EYS: variants seen among roughly 807,000 people sequenced by gnomAD.
EYS encodes the protein EGF-like photoreceptor maintenance factor.
A neutral mutation model predicts 282.1 loss-of-function variants in EYS; 250 were observed. The observed-to-expected ratio is 0.89, with a 90% CI of 0.80 to 0.98. The LOEUF (loss-of-function observed/expected upper bound fraction) is 0.98. Among genes scored for constraint, EYS ranks in the 50% least tolerant of loss-of-function variants. The pLI is 0.00. For synonymous variants in EYS, 1,355 were observed against 1,282.9 expected, an observed-to-expected ratio of 1.06 and a Z score of -1.20; for missense variants, 4,016 against 3,709.0, an observed-to-expected ratio of 1.08 and a Z score of -2.15.
chr6:63,947,540 A>G (rs1765435354), intron 35 of EYS, among the ~76,000 whole-genome samples: 1 of 152,136 alleles, frequency 6.6e-6, no homozygotes, highest in South Asian at 2.1e-4. Context: ...TAATTTACCT[A>G]CTATTAGGAA....
At chr6:64,513,974 A>G (rs1562035383) in intron 26 of EYS, among the ~76,000 whole-genome samples, 1 of 151,960 alleles carries the variant, frequency 6.6e-6, no homozygotes, top group East Asian at 1.9e-4. Context: ...AAAGTGTAGC[A>G]TGAATGGACC....
intron 1 of EYS, among the ~76,000 whole-genome samples, chr6:65,686,782 G>T (rs1582602531): frequency 6.6e-6 from 1 of 152,158 alleles, no homozygotes; most frequent in East Asian, 1.9e-4. Context: ...CAGGACCAAT[G>T]CAAAGGTCAT....
intron 30 of EYS, among the ~76,000 whole-genome samples, chr6:64,244,280 A>G (rs983693145): frequency 2.0e-5 from 3 of 152,150 alleles, no homozygotes; most frequent in Non-Finnish European, 4.4e-5. Flanking sequence ...TCCATTTTAC[A>G]TCTTTTCAAA....
In EYS at chr6:64,590,598, T is replaced by C; in HGVS notation, c.5269A>G (p.Thr1757Ala). The change falls in exon 26 of 43, where the codon ACT becomes GCT. Residue 1757 changes from threonine to alanine, a missense_variant. By Grantham distance (58) the Thr-to-Ala change is moderately conservative. Coordinates refer to ENST00000503581, the MANE Select transcript of EYS (RefSeq NM_001142800.2). Reference sequence around the variant, plus strand: ...GTAATTTCTGAATATGTCTTTAAAGTAACATCCGGATAAATTTGTAAGTTT... The same window carrying C: ...GTAATTTCTGAATATGTCTTTAAAGCAACATCCGGATAAATTTGTAAGTTT... ...ELNLQIYPDV[T>A]LKTYSEITHA... 6.4e-7 allele frequency: 1 copy of C among 1,551,288 alleles called. No homozygotes were observed. Among genetic ancestry groups the C allele is most frequent in the South Asian group, 1.2e-5 (1 of 84,062 alleles).
intron 22 of EYS, among the ~76,000 whole-genome samples, chr6:64,743,236 T>A (rs1273026907): frequency 1.3e-5 from 2 of 152,154 alleles, no homozygotes; most frequent in Non-Finnish European, 2.9e-5. Context: ...GTCTATAATT[T>A]TTTTGAACCT....
intron 2 of EYS, among the ~76,000 whole-genome samples, chr6:65,624,471 C>A (rs1035455229): frequency 1.3e-5 from 2 of 152,094 alleles, no homozygotes; most frequent in Admixed American, 1.3e-4. Flanking sequence ...CAGAAAGATG[C>A]TGTGATGGTT....
chr6:64,751,922 C>T (rs1013106346), intron 22 of EYS, among the ~76,000 whole-genome samples: 4 of 152,088 alleles, frequency 2.6e-5, no homozygotes, highest in African/African-American at 9.7e-5. Flanking sequence ...TTAAAGCACC[C>T]AGAACCAAAG....
At chr6:65,592,305 T>C (rs1765259770) in intron 2 of EYS, among the ~76,000 whole-genome samples, 1 of 151,988 alleles carries the variant, frequency 6.6e-6, no homozygotes, top group South Asian at 2.1e-4. Flanking sequence ...TGCCAAATTA[T>C]AATATAGTAT....
chr6:65,347,790 A>G (rs1161591961), intron 9 of EYS, among the ~76,000 whole-genome samples: 1 of 151,500 alleles, frequency 6.6e-6, no homozygotes, highest in Non-Finnish European at 1.5e-5. Context: ...GCCTGTAGTC[A>G]CCCTGTGGTT....
At chr6:63,839,598 C>T (rs1771897696) in intron 36 of EYS, among the ~76,000 whole-genome samples, 1 of 152,134 alleles carries the variant, frequency 6.6e-6, no homozygotes, top group Non-Finnish European at 1.5e-5. Context: ...ATTCTCTTGC[C>T]TCTGCCTCCC....
intron 21 of EYS, among the ~76,000 whole-genome samples, chr6:64,814,963 C>G (rs1764706201): frequency 6.6e-6 from 1 of 151,938 alleles, no homozygotes; most frequent in Non-Finnish European, 1.5e-5. Flanking sequence ...GTATTAACGA[C>G]AAAAACTCAT....
intron 14 of EYS, among the ~76,000 whole-genome samples, chr6:64,985,560 T>G (rs1770830070): frequency 6.6e-6 from 1 of 151,450 alleles, no homozygotes; most frequent in African/African-American, 2.4e-5. Flanking sequence ...GGTCTAAAAA[T>G]AAATTTAAAA....
At chr6:65,282,856 C>A (rs1416937335) in intron 12 of EYS, among the ~76,000 whole-genome samples, 1 of 151,752 alleles carries the variant, frequency 6.6e-6, no homozygotes, top group Non-Finnish European at 1.5e-5. Context: ...GATTATTGGT[C>A]TTATTTGTAC....
intron 5 of EYS, among the ~76,000 whole-genome samples, chr6:65,416,184 T>C (rs1187746223): frequency 6.6e-6 from 1 of 151,896 alleles, no homozygotes; most frequent in Non-Finnish European, 1.5e-5. Flanking sequence ...AAGGAACAAA[T>C]TTGAAAAATG....
At chr6:65,702,028 G>C (rs1177965661) in intron 1 of EYS, among the ~76,000 whole-genome samples, 1 of 152,114 alleles carries the variant, frequency 6.6e-6, no homozygotes, top group Non-Finnish European at 1.5e-5. Context: ...TGTGCCCTAT[G>C]GGGTAATGAC....
At chr6:65,669,748 T>C (rs1249277125) in intron 1 of EYS, among the ~76,000 whole-genome samples, 15 of 151,918 alleles carry the variant, frequency 9.9e-5, no homozygotes, top group Admixed American at 4.6e-4. Context: ...ATTACTATCA[T>C]TGTGTAAAAA....
chr6:65,673,933 T>A (rs1324052840), intron 1 of EYS, among the ~76,000 whole-genome samples: 6 of 151,300 alleles, frequency 4.0e-5, no homozygotes, highest in Non-Finnish European at 8.8e-5. Flanking sequence ...CAGGGGCAAA[T>A]CCCCAAGCTT....
At chr6:65,153,846 A>G (rs1281640348) in intron 12 of EYS, among the ~76,000 whole-genome samples, 1 of 151,918 alleles carries the variant, frequency 6.6e-6, no homozygotes, top group African/African-American at 2.4e-5. Context: ...GCTTTAAAAT[A>G]TCATTGTTAA....
At chr6:64,855,916 G>T (rs983103435) in intron 19 of EYS, among the ~76,000 whole-genome samples, 4 of 152,056 alleles carry the variant, frequency 2.6e-5, no homozygotes, top group Non-Finnish European at 2.9e-5. Flanking sequence ...TGCATTTAAT[G>T]TAGCTCCAGT....
Sources: gnomAD v4.1 joint callset for allele counts (sites outside exome capture counted in the v4.1 genomes callset) on GRCh38, gnomAD v4.1.1 for gene constraint, MANE v1.5 for transcripts, NCBI Gene and HGNC (gene_info 2026-07-23, HGNC 2026-07-21) for gene names.